The following FAM168A variants were observed in gnomAD, a reference collection of about 807,000 sequenced individuals.
FAM168A encodes protein FAM168A.
In FAM168A, 3 loss-of-function variants were observed where a neutral mutation model predicts 28.5. That is an observed-to-expected ratio of 0.11 (90% confidence interval 0.05 to 0.27). FAM168A has a LOEUF of 0.27. Among genes scored for constraint, FAM168A ranks in the 10% least tolerant of loss-of-function variants. The pLI, the probability that FAM168A is intolerant of heterozygous loss-of-function variation, is 1.00. For missense variants in FAM168A, 222 were observed against 311.5 expected (o/e 0.71, Z 2.16); for synonymous variants, 122 against 124.2 (o/e 0.98, Z 0.12).
At chr11:73,448,947 C>T (rs117313911) in intron 2 of FAM168A, among the ~76,000 whole-genome samples, 1,936 of 151,644 alleles carry the variant, frequency 0.013, 19 homozygotes, top group Non-Finnish European at 0.02. Context: ...TTGTTTTTTT[C>T]TCTCTCTCTC....
At chr11:73,569,756 G>A (rs909087826) in intron 1 of FAM168A, among the ~76,000 whole-genome samples, 22 of 151,920 alleles carry the variant, frequency 1.4e-4, no homozygotes, top group Admixed American at 1.2e-3. Context: ...CGGGGGGATC[G>A]GAGGTTGCAG....
At chr11:73,531,802 C>CT (rs35314829) in intron 1 of FAM168A, among the ~76,000 whole-genome samples, 20,470 of 121,766 alleles carry the variant, frequency 0.17, 3,084 homozygotes, top group African/African-American at 0.36. Flanking sequence ...CCAAGTATCA[C>CT]TTTTTTTTTT....
chr11:73,463,830 AAAGGGTCCAC>A (rs1380376768), intron 2 of FAM168A, among the ~76,000 whole-genome samples: 1 of 152,232 alleles, frequency 6.6e-6, no homozygotes, highest in Non-Finnish European at 1.5e-5. Context: ...TAAAGGCTAA[AAAGGGTCCAC>A]AAGGAGATTA....
chr11:73,580,532 A>G, intron 1 of FAM168A: 1 of 588,668 alleles, frequency 1.7e-6, no homozygotes, highest in South Asian at 1.4e-5. Context: ...AAGTGTGTGC[A>G]TTTTTAATAA....
In FAM168A at chr11:73,541,840, A is replaced by C. The variant is rs867936325; in HGVS notation, c.-19+56083T>G. On this transcript the variant is annotated intron_variant, in intron 1 of 7. Coordinates refer to ENST00000356467, the MANE Select transcript of FAM168A (RefSeq NM_015159.3). ...TGATGATAGGAGAAAGTTTAGAGAC[A>C]ATCTACTTAAGCCCTTCACTTTAGA... Among the ~76,000 whole-genome samples the C allele has an allele frequency of 5.3e-5, 8 of 152,358 alleles. No individual in the cohort carries two copies. The South Asian group carries it at 1.7e-3, about 32-fold the overall frequency.
intron 1 of FAM168A, among the ~76,000 whole-genome samples, chr11:73,485,102 A>C (rs1868036057): frequency 6.6e-6 from 1 of 152,166 alleles, no homozygotes; most frequent in African/African-American, 2.4e-5. Flanking sequence ...CCTTCAATCC[A>C]ATCAAGTTGA....
chr11:73,489,341 C>G (rs1020667639), intron 1 of FAM168A, among the ~76,000 whole-genome samples: 3 of 152,134 alleles, frequency 2.0e-5, no homozygotes, highest in African/African-American at 7.2e-5. Context: ...TGAACCCACT[C>G]CAATCAGATT....
chr11:73,424,829 G>T (rs1421067351), intron 3 of FAM168A, among the ~76,000 whole-genome samples: 1 of 152,164 alleles, frequency 6.6e-6, no homozygotes, highest in Non-Finnish European at 1.5e-5. Context: ...GACGGTTCAT[G>T]TGTGTCTCCA....
chr11:73,494,535 T>C (rs894960544), intron 1 of FAM168A, among the ~76,000 whole-genome samples: 1 of 152,218 alleles, frequency 6.6e-6, no homozygotes, highest in Non-Finnish European at 1.5e-5. Context: ...AGAACCACCC[T>C]TGTTTGATGC....
At chr11:73,430,316 G>A (rs1487830763) in intron 3 of FAM168A, 4 of 280,930 alleles carry the variant, frequency 1.4e-5, no homozygotes, top group South Asian at 3.2e-5. Context: ...CAAGGGGTGT[G>A]TGGGTGTGTG....
intron 1 of FAM168A, among the ~76,000 whole-genome samples, chr11:73,583,677 T>G (rs1263088723): frequency 6.6e-6 from 1 of 152,100 alleles, no homozygotes; most frequent in Non-Finnish European, 1.5e-5. Flanking sequence ...CAAAGAGATA[T>G]CTAGGCCAAG....
chr11:73,459,292 T>G (rs779159081), intron 2 of FAM168A, among the ~76,000 whole-genome samples: 86 of 152,192 alleles, frequency 5.7e-4, no homozygotes, highest in Non-Finnish European at 8.7e-4. Flanking sequence ...TCACCCATCC[T>G]GGCTAACACA....
intron 2 of FAM168A, among the ~76,000 whole-genome samples, chr11:73,448,581 T>C (rs1867367185): frequency 6.6e-6 from 1 of 152,228 alleles, no homozygotes; most frequent in South Asian, 2.1e-4. Flanking sequence ...AAAAGCTAAA[T>C]ACTCACTTTC....
At chr11:73,522,997 A>G (rs1943403998) in intron 1 of FAM168A, among the ~76,000 whole-genome samples, 1 of 152,074 alleles carries the variant, frequency 6.6e-6, no homozygotes, top group South Asian at 2.1e-4. Context: ...TGGGCAACAG[A>G]GCAAGACTCT....
At chr11:73,489,077 C>T (rs1246045532) in intron 1 of FAM168A, among the ~76,000 whole-genome samples, 1 of 152,046 alleles carries the variant, frequency 6.6e-6, no homozygotes, top group Non-Finnish European at 1.5e-5. Context: ...GACAAGCTTT[C>T]ACTATGTTGG....
intron 5 of FAM168A, 127 bp downstream of exon 5, chr11:73,411,267 C>G (rs1347799148): frequency 1.9e-6 from 2 of 1,070,150 alleles, no homozygotes; most frequent in Non-Finnish European, 2.7e-6. Context: ...AGTGATACAA[C>G]AAGGACGGCT....
chr11:73,426,703 C>CTCTGTGTGTGTGTGTG (rs1555018087), intron 3 of FAM168A, among the ~76,000 whole-genome samples: 2 of 144,204 alleles, frequency 1.4e-5, no homozygotes, highest in Non-Finnish European at 3.0e-5. Flanking sequence ...CCAAAATATG[C>CTCTGTGTGTGTGTGTG]TGTGTGTGTG....
chr11:73,525,101 T>C (rs1418449044), intron 1 of FAM168A, among the ~76,000 whole-genome samples: 1 of 151,884 alleles, frequency 6.6e-6, no homozygotes, highest in African/African-American at 2.4e-5. Context: ...CCCCTCTCCA[T>C]TCCCTCTCTT....
intron 1 of FAM168A, among the ~76,000 whole-genome samples, chr11:73,554,742 A>C (rs903311918): frequency 2.6e-5 from 4 of 152,224 alleles, no homozygotes; most frequent in Non-Finnish European, 5.9e-5. Flanking sequence ...ATTGACACAA[A>C]TGCAAGGGTG....
Sources: gnomAD v4.1 joint callset for allele counts (sites outside exome capture counted in the v4.1 genomes callset) on GRCh38, gnomAD v4.1.1 for gene constraint, MANE v1.5 for transcripts, NCBI Gene and HGNC (gene_info 2026-07-23, HGNC 2026-07-21) for gene names.